Variants in RASAL2 observed in about 807,000 individuals in gnomAD.
RASAL2 encodes ras GTPase-activating protein nGAP.
A neutral mutation model predicts 128.9 loss-of-function variants in RASAL2; 58 were observed. The observed-to-expected ratio is 0.45, with a 90% confidence interval of 0.36 to 0.56. The LOEUF (loss-of-function observed/expected upper bound fraction) is 0.56, where lower values mean the gene tolerates loss of function less well. Among genes scored for constraint, RASAL2 ranks in the 20% least tolerant of loss-of-function variants. The pLI is 0.00. For synonymous variants in RASAL2, 561 were observed against 580.8 expected (o/e 0.97, Z 0.49); for missense variants, 1,360 against 1,601.6 (o/e 0.85, Z 2.57).
At chr1:178,097,584 GT>G (rs780442807) in intron 1 of RASAL2, among the ~76,000 whole-genome samples, 4 of 152,160 alleles carry the variant, frequency 2.6e-5, no homozygotes, top group Non-Finnish European at 5.9e-5. Flanking sequence ...AGTTCATCCA[GT>G]TTTGAGACCT....
intron 3 of RASAL2, among the ~76,000 whole-genome samples, chr1:178,302,376 C>CA (rs1020189126): frequency 5.3e-5 from 8 of 151,404 alleles, no homozygotes; most frequent in African/African-American, 9.7e-5. Context: ...AAACAGGAAA[C>CA]AAAAAAAATT....
chr1:178,461,700 G>T (rs1036931638), intron 14 of RASAL2, among the ~76,000 whole-genome samples: 2 of 152,146 alleles, frequency 1.3e-5, no homozygotes, highest in African/African-American at 4.8e-5. Flanking sequence ...ATTTAGATTT[G>T]TTGAACTGTC....
At chr1:178,172,575 A>G (rs1368801097) in intron 1 of RASAL2, among the ~76,000 whole-genome samples, 1 of 152,060 alleles carries the variant, frequency 6.6e-6, no homozygotes, top group Non-Finnish European at 1.5e-5. Flanking sequence ...ATTGACATAT[A>G]GTGAAAATCA....
At chr1:178,109,390 C>T (rs1490875244) in intron 1 of RASAL2, among the ~76,000 whole-genome samples, 1 of 152,150 alleles carries the variant, frequency 6.6e-6, no homozygotes, top group Non-Finnish European at 1.5e-5. Flanking sequence ...GTGCATGCTT[C>T]TCTACTCACC....
intron 1 of RASAL2, among the ~76,000 whole-genome samples, chr1:178,232,369 A>G (rs1231398529): frequency 2.0e-5 from 3 of 152,192 alleles, no homozygotes; most frequent in African/African-American, 7.2e-5. Flanking sequence ...CTTTGGTTAA[A>G]CAGATAGGGA....
intron 4 of RASAL2, among the ~76,000 whole-genome samples, chr1:178,394,395 A>G (rs1673089283): frequency 6.6e-6 from 1 of 152,238 alleles, no homozygotes; most frequent in South Asian, 2.1e-4. Context: ...TTAATTCAGA[A>G]AGAGAAAATG....
intron 3 of RASAL2, among the ~76,000 whole-genome samples, chr1:178,338,306 T>C (rs1482567883): frequency 6.6e-6 from 1 of 151,956 alleles, no homozygotes; most frequent in East Asian, 1.9e-4. Context: ...ATTTTTGTAT[T>C]TTTAATAGAG....
chr1:178,330,740 A>G (rs1333968496), intron 3 of RASAL2, among the ~76,000 whole-genome samples: 1 of 152,032 alleles, frequency 6.6e-6, no homozygotes, highest in East Asian at 1.9e-4. Context: ...TTTTTGAGGG[A>G]AAAAAATACT....
intron 1 of RASAL2, among the ~76,000 whole-genome samples, chr1:178,144,626 T>C (rs1660656326): frequency 1.3e-5 from 2 of 152,178 alleles, no homozygotes; most frequent in South Asian, 2.1e-4. Context: ...TGACATCTCT[T>C]TTTGGGAATG....
In RASAL2 at chr1:178,352,162, G is replaced by A. The variant is rs140557949; in HGVS notation, c.458-37938G>A. On this transcript the variant is annotated intron_variant, in intron 3 of 17. Transcript: ENST00000367649. Reference sequence around the variant, plus strand: ...AGGATTTGACATTTTTAGCAATCGAGAATTACTATATTTTGTAAGTGGAAA... The same window carrying A: ...AGGATTTGACATTTTTAGCAATCGAAAATTACTATATTTTGTAAGTGGAAA... Among the ~76,000 whole-genome samples the A allele has an allele frequency of 1.8e-4, 27 of 152,250 alleles. No individual in the cohort carries two copies. In the East Asian group the frequency reaches 4.6e-3, roughly 26 times the overall value.
intron 4 of RASAL2, among the ~76,000 whole-genome samples, chr1:178,417,707 C>T (rs539544091): frequency 2.7e-5 from 4 of 146,222 alleles, no homozygotes; most frequent in South Asian, 4.3e-4. Context: ...TGCGGTGAGC[C>T]GAGATTGCAC....
chr1:178,363,604 A>G (rs1671239197), intron 3 of RASAL2, among the ~76,000 whole-genome samples: 1 of 152,212 alleles, frequency 6.6e-6, no homozygotes, highest in South Asian at 2.1e-4. Flanking sequence ...CAGCCTCATT[A>G]AATGTTCATA....
At chr1:178,120,125 C>T (rs944811647) in intron 1 of RASAL2, among the ~76,000 whole-genome samples, 54 of 152,254 alleles carry the variant, frequency 3.5e-4, no homozygotes, top group African/African-American at 1.2e-3. Context: ...TAACGCAGGG[C>T]GCTTGGTCTC....
At chr1:178,154,343 C>T (rs182218544) in intron 1 of RASAL2, among the ~76,000 whole-genome samples, 128 of 152,104 alleles carry the variant, frequency 8.4e-4, no homozygotes, top group Non-Finnish European at 1.3e-3. Context: ...AGACGTGGGT[C>T]TCCCTGTGTT....
chr1:178,349,717 C>T (rs1276822256), intron 3 of RASAL2, among the ~76,000 whole-genome samples: 1 of 151,964 alleles, frequency 6.6e-6, no homozygotes, highest in Non-Finnish European at 1.5e-5. Flanking sequence ...CATATAGTTA[C>T]TAAAGAGTTG....
At position 178,424,281 on chromosome 1, in the gene RASAL2, C is replaced by T. The variant is rs192440647; in HGVS notation, c.674+3661C>T. ...TTTTGGATACGGAGTCTCACTCTGTCGCCCAGGCTGGAGTGTAGTGGCACA... is the reference window on the plus strand; with the variant it reads ...TTTTGGATACGGAGTCTCACTCTGTTGCCCAGGCTGGAGTGTAGTGGCACA... On this transcript the variant is annotated intron_variant, in intron 5 of 17. Transcript: ENST00000367649. Among the ~76,000 whole-genome samples, 6 of 150,032 alleles carry T rather than the reference C, an allele frequency of 4.0e-5. No homozygotes were observed. In the East Asian group the frequency reaches 7.9e-4, roughly 20 times the overall value.
chr1:178,246,548 AT>A (rs1284542475), intron 1 of RASAL2, among the ~76,000 whole-genome samples: 2 of 152,130 alleles, frequency 1.3e-5, no homozygotes, highest in Non-Finnish European at 2.9e-5. Flanking sequence ...TCCTATTTGA[AT>A]ACCCTTTATT....
At chr1:178,294,298 A>G (rs1018181113) in intron 2 of RASAL2, among the ~76,000 whole-genome samples, 6 of 151,938 alleles carry the variant, frequency 3.9e-5, no homozygotes, top group Non-Finnish European at 7.4e-5. Flanking sequence ...CCACCCCCAC[A>G]TACTTCCATA....
intron 5 of RASAL2, among the ~76,000 whole-genome samples, chr1:178,423,458 G>A (rs753335030): frequency 2.1e-4 from 32 of 152,096 alleles, no homozygotes; most frequent in Non-Finnish European, 4.6e-4. Flanking sequence ...GTAAAATGTA[G>A]TATTTATTAT....
Sources: allele counts gnomAD v4.1 joint callset (sites outside exome capture counted in the v4.1 genomes callset), GRCh38; gene constraint gnomAD v4.1.1; transcripts MANE v1.5; gene names NCBI Gene and HGNC (gene_info 2026-07-23, HGNC 2026-07-21).